The following BICD2 variants were observed in gnomAD, a reference collection of about 807,000 sequenced individuals.
BICD2 encodes BICD cargo adaptor 2.
In BICD2, 25 loss-of-function variants were observed where a neutral mutation model predicts 72.9. The ratio of observed to expected loss-of-function variants is 0.34; its 90% confidence interval spans 0.25 to 0.48. The LOEUF (loss-of-function observed/expected upper bound fraction) is 0.48. Among genes scored for constraint, BICD2 ranks in the 20% least tolerant of loss-of-function variants. The probability of loss-of-function intolerance (pLI) is 0.99; values close to 1 mark genes in which losing one functional copy is unlikely to be tolerated. For synonymous variants in BICD2, 501 were observed against 516.1 expected (o/e 0.97, Z 0.40); for missense variants, 894 against 1,175.2 (o/e 0.76, Z 3.50).
rs779079020 is a variant in BICD2, at chr9:92,718,932, G to C, written c.1713C>G (p.Gly571=). Reference sequence around the variant, plus strand: ...GGCCACGCGCCTCGGGGCTGGTGCGGCCCCCGGGACTGGTGCGGCCGGCCC... The same window carrying C: ...GGCCACGCGCCTCGGGGCTGGTGCGCCCCCCGGGACTGGTGCGGCCGGCCC... ...QGGAGRTSPG[G]RTSPEARGRR... Residue 571 remains glycine, a synonymous_variant, in exon 5 of 7, where the codon GGC becomes GGG. Coordinates refer to ENST00000356884, the MANE Select transcript of BICD2 (RefSeq NM_001003800.2). 1.9e-6 allele frequency: 3 copies of C among 1,608,168 alleles called. No individual in the cohort carries two copies. The African/African-American group carries it at 4.0e-5, about 21-fold the overall frequency.
chr9:92,756,365 C>T (rs982029025), intron 1 of BICD2, among the ~76,000 whole-genome samples: 18 of 151,774 alleles, frequency 1.2e-4, no homozygotes, highest in African/African-American at 3.9e-4. Context: ...GGGTTCATGC[C>T]ATTCTCCTGC....
Position 92,718,745 on chromosome 9 carries a change from T to C in BICD2, c.1900A>G (p.Ile634Val), listed in dbSNP as rs535972421. 6.2e-7 allele frequency: 1 copy of C among 1,614,086 alleles called. No individual in the cohort carries two copies. Among genetic ancestry groups the C allele is most frequent in the African/African-American group, 1.3e-5 (1 of 75,054 alleles). Reference sequence around the variant, plus strand: ...TGCAGGTGCTTGATCTGGTCACGGATGATAGCGATCAGGTTGTAGATGTTC... The same window carrying C: ...TGCAGGTGCTTGATCTGGTCACGGACGATAGCGATCAGGTTGTAGATGTTC... ...PMNIYNLIAI[I>V]RDQIKHLQAA... Residue 634 changes from isoleucine (I) to valine (V), a missense_variant, in exon 5 of 7, where the codon ATC becomes GTC. Physicochemically the swap from Ile to Val is conservative, Grantham distance 29. Coordinates refer to ENST00000356884, the MANE Select transcript of BICD2 (RefSeq NM_001003800.2).
At chr9:92,760,440 A>G (rs1854347841) in intron 1 of BICD2, among the ~76,000 whole-genome samples, 1 of 152,170 alleles carries the variant, frequency 6.6e-6, no homozygotes, top group Non-Finnish European at 1.5e-5. Flanking sequence ...TCCCAGGATG[A>G]TTGAGATACA....
chr9:92,740,543 G>A (rs115432231), intron 1 of BICD2, among the ~76,000 whole-genome samples: 2,087 of 151,984 alleles, frequency 0.014, 58 homozygotes, highest in African/African-American at 0.048. Context: ...GGGGAGGGGG[G>A]GCGTTGTGGT....
At position 92,729,181 on chromosome 9, in the gene BICD2, C is replaced by T. The variant is rs780380243; in HGVS notation, c.296G>A (p.Arg99Gln). 21 of 1,614,122 alleles carry T rather than the reference C, an allele frequency of 1.3e-5. No homozygotes were observed. The highest frequency in any genetic ancestry group is 2.7e-5 in the African/African-American group (2 of 74,936). The change falls in exon 2 of 7, where the codon CGG becomes CAG. Residue 99 changes from arginine to glutamine, a missense_variant. Physicochemically the swap from Arg to Gln is conservative, Grantham distance 43. This residue lies in a region of BICD2 where 192 missense variants were observed against 243.6 expected (regional missense o/e 0.79). Transcript: ENST00000356884. The stretch of plus-strand genomic sequence containing the variant: ...CGACTCCTGGATCAGGCTCTCCTCC[C>T]GGCTCTCTCCGTCAGCAGCCACCTT... ...HKKVAADGES[R>Q]EESLIQESAS...
chr9:92,734,329 T>C (rs1230026693), intron 1 of BICD2, among the ~76,000 whole-genome samples: 1 of 151,978 alleles, frequency 6.6e-6, no homozygotes, highest in East Asian at 1.9e-4. Flanking sequence ...CTGGCCAACA[T>C]GGTGAAAACC....
At chr9:92,730,853 G>GC (rs1853666423) in intron 1 of BICD2, among the ~76,000 whole-genome samples, 1 of 152,170 alleles carries the variant, frequency 6.6e-6, no homozygotes, top group Non-Finnish European at 1.5e-5. Flanking sequence ...TTGCTCACCT[G>GC]CCCCCACCCA....
Position 92,713,383 on chromosome 9 carries a change from T to A in BICD2, c.*1771A>T. The A allele has an allele frequency of 6.6e-7, 1 of 1,508,648 alleles. No individual in the cohort carries two copies. The highest frequency in any genetic ancestry group is 9.0e-7 in the Non-Finnish European group (1 of 1,105,694). The allele number at this position is 1,508,648 out of a possible 1,614,324, so 93.5% of individuals were successfully genotyped here. ...TTAGGTTGCCCTTCCTTCCTCCTTG[T>A]GGGCCACGAGAGGGAAGGGGAAGGG... On this transcript the variant is annotated 3_prime_UTR_variant, in exon 7 of 7. Transcript: ENST00000356884.
At chr9:92,715,971 C>T (rs1853303518) in intron 6 of BICD2, among the ~76,000 whole-genome samples, 1 of 152,174 alleles carries the variant, frequency 6.6e-6, no homozygotes. Flanking sequence ...TGACCAGAGC[C>T]AAGGAACCAC....
In BICD2 at chr9:92,715,018, C is replaced by T. The variant is rs76331256; in HGVS notation, c.*136G>A. On this transcript the variant is annotated 3_prime_UTR_variant, in exon 7 of 7. Transcript: ENST00000356884. The stretch of plus-strand genomic sequence containing the variant: ...CACAAGTGTCCTGCTGATGCAACGC[C>T]CCATGGCGCCTCGGCTAGACTCCTA... 2,454 of 1,427,738 alleles carry T rather than the reference C, an allele frequency of 1.7e-3. 38 individuals carry two copies. The African/African-American group carries it at 0.031, about 18-fold the overall frequency. The allele number at this position is 1,427,738 out of a possible 1,614,324, so 88.4% of individuals were successfully genotyped here.
At chr9:92,733,966 T>TA (rs35019242) in intron 1 of BICD2, among the ~76,000 whole-genome samples, 60 of 140,180 alleles carry the variant, frequency 4.3e-4, no homozygotes, top group African/African-American at 6.3e-4. Context: ...GACTCCGTCT[T>TA]AAAAAAAAAA....
chr9:92,756,046 C>G (rs1191464974), intron 1 of BICD2, among the ~76,000 whole-genome samples: 1 of 152,190 alleles, frequency 6.6e-6, no homozygotes, highest in African/African-American at 2.4e-5. Flanking sequence ...ACTATGACCT[C>G]AGCACCCTCA....
chr9:92,720,636 C>T lies in BICD2; in HGVS notation c.726G>A (p.Glu242=), dbSNP rs756806772. 6.2e-7 allele frequency: 1 copy of T among 1,614,198 alleles called. No individual in the cohort carries two copies. The highest frequency in any genetic ancestry group is 8.5e-7 in the Non-Finnish European group (1 of 1,180,042). ...LKEISERQLE[E]ALETLKTERE... ...GCTCCGTCTTCAGGGTCTCCAGCGC[C>T]TCCTCCAGCTGCCGCTCTGAGATCT... is the stretch of plus-strand genomic sequence containing the variant. Residue 242 remains glutamate, a synonymous_variant, in exon 4 of 7, where the codon GAG becomes GAA. Coordinates refer to ENST00000356884, the MANE Select transcript of BICD2 (RefSeq NM_001003800.2). This position sits in a 1 kb window ranked among gnomAD's most constrained non-coding sequence, Gnocchi z 5.4.
rs200316398 is a variant in BICD2 at position 92,717,140 on chromosome 9, ACCT to A, written c.2258+654_2258+656del. Among the ~76,000 whole-genome samples the A allele has an allele frequency of 9.0e-3, 1,372 of 152,242 alleles. 25 individuals are homozygous for A. Among genetic ancestry groups the A allele is most frequent in the African/African-American group, 0.032 (1,311 of 41,534 alleles). On this transcript the variant is annotated intron_variant, in intron 6 of 6. Transcript: ENST00000356884. Reference sequence around the variant, plus strand: ...TATGGCCAAGTTCTTGGGGGCAAATACCTCATGAGAGGAAAGGCCAGGACTCCT... The same window carrying A: ...TATGGCCAAGTTCTTGGGGGCAAATACATGAGAGGAAAGGCCAGGACTCCT...
At chr9:92,724,457 C>G (rs1470084737) in intron 2 of BICD2, among the ~76,000 whole-genome samples, 1 of 152,214 alleles carries the variant, frequency 6.6e-6, no homozygotes, top group Non-Finnish European at 1.5e-5. Context: ...ATGAAGATTA[C>G]ATTTAAAACC....
At chr9:92,734,845 G>A (rs1318454952) in intron 1 of BICD2, among the ~76,000 whole-genome samples, 1 of 152,188 alleles carries the variant, frequency 6.6e-6, no homozygotes, top group South Asian at 2.1e-4. Context: ...TCCAGTCTGG[G>A]AAGGGGATCC....
At chr9:92,746,406 C>G (rs1162018972) in intron 1 of BICD2, among the ~76,000 whole-genome samples, 1 of 152,016 alleles carries the variant, frequency 6.6e-6, no homozygotes, top group Admixed American at 6.6e-5. Context: ...GTGGCAGGGG[C>G]CTGTAATCTC....
intron 1 of BICD2, among the ~76,000 whole-genome samples, chr9:92,756,821 C>A (rs1433521636): frequency 6.0e-5 from 9 of 150,938 alleles, no homozygotes; most frequent in African/African-American, 2.2e-4. Flanking sequence ...GAGCAGACAT[C>A]GCGCCACTGC....
chr9:92,720,341 T>C lies in BICD2; in HGVS notation c.1021A>G (p.Asn341Asp). Residue 341 changes from asparagine (N) to aspartate (D), a missense_variant, in exon 4 of 7, where the codon AAC (asparagine) becomes GAC (aspartate). By Grantham distance (23) the Asn-to-Asp change is conservative (BLOSUM62 1). This residue lies in a region of BICD2 where 371 missense variants were observed against 439.1 expected (regional missense o/e 0.84). Coordinates refer to ENST00000356884, the MANE Select transcript of BICD2 (RefSeq NM_001003800.2). This position sits in a 1 kb window ranked among gnomAD's most constrained non-coding sequence, Gnocchi z 5.4. The part of the protein sequence containing the change: ...SLVSDLLSEL[N>D]ISEIQKLKQQ... ...TTCAGCTTCTGGATCTCAGAGATGTTGAGCTCACTGAGTAGGTCGGAGACG... is the reference window on the plus strand; with the variant it reads ...TTCAGCTTCTGGATCTCAGAGATGTCGAGCTCACTGAGTAGGTCGGAGACG... 2 of 1,613,544 alleles carry C rather than the reference T, an allele frequency of 1.2e-6. No homozygotes were observed. Among genetic ancestry groups the C allele is most frequent in the Non-Finnish European group, 1.7e-6 (2 of 1,179,836 alleles).
Sources: allele counts gnomAD v4.1 joint callset (sites outside exome capture counted in the v4.1 genomes callset), GRCh38; gene constraint gnomAD v4.1.1; regional missense constraint gnomAD v4.1.1; non-coding constraint Gnocchi (gnomAD v3.1); transcripts MANE v1.5; gene names NCBI Gene and HGNC (gene_info 2026-07-23, HGNC 2026-07-21).